Variants in MED23 observed in about 807,000 individuals in gnomAD.
The protein encoded by MED23 is mediator of RNA polymerase II transcription subunit 23.
Under a neutral mutation model 163.9 loss-of-function variants are expected in MED23, and 105 were observed. The ratio of observed to expected loss-of-function variants is 0.64; its 90% CI spans 0.55 to 0.75. The LOEUF is 0.75. Ranked by LOEUF, MED23 falls within the 30% of genes least tolerant of loss-of-function variation. MED23 has a pLI of 0.00. For missense variants in MED23, 1,054 were observed against 1,649.0 expected, an observed-to-expected ratio of 0.64 and a Z score of 6.25; for synonymous variants, 561 against 565.6, an observed-to-expected ratio of 0.99 and a Z score of 0.12.
intron 20 of MED23, among the ~76,000 whole-genome samples, chr6:131,597,542 G>C (rs990908115): frequency 1.5e-5 from 2 of 129,616 alleles, no homozygotes; most frequent in African/African-American, 5.9e-5. Context: ...GTCAGGAGAA[G>C]AAAAAAACAT....
rs182920993 is a variant in MED23 at position 131,609,150 on chromosome 6, G to A, written c.1077+896C>T. Among the ~76,000 whole-genome samples, 262 of 152,108 alleles carry A rather than the reference G, an allele frequency of 1.7e-3. 1 individual carries two copies. The highest frequency in any genetic ancestry group is 5.2e-3 in the African/African-American group (215 of 41,486). On this transcript the variant is annotated intron_variant, in intron 11 of 28. Coordinates refer to ENST00000368068, the MANE Select transcript of MED23 (RefSeq NM_004830.4). ...GCTTCTGGCTTTGTACCTGTCCATC[G>A]CTACACCACCTTCTTTCTCCATGTG...
At chr6:131,624,524 G>C (rs562082991) in intron 4 of MED23, among the ~76,000 whole-genome samples, 1 of 152,112 alleles carries the variant, frequency 6.6e-6, no homozygotes, top group Non-Finnish European at 1.5e-5. Context: ...CTCCTAAGCC[G>C]AGTCAACCAC....
intron 30 of MED23, among the ~76,000 whole-genome samples, chr6:131,576,245 C>T (rs1460095423): frequency 6.6e-6 from 1 of 152,212 alleles, no homozygotes; most frequent in East Asian, 1.9e-4. Flanking sequence ...GCCCATATCT[C>T]CTATCAGCTT....
chr6:131,591,452 A>G lies in MED23; in HGVS notation c.3547T>C (p.Trp1183Arg). The G allele has an allele frequency of 2.5e-6, 4 of 1,613,786 alleles. No homozygotes were observed. Among genetic ancestry groups the G allele is most frequent in the Non-Finnish European group, 3.4e-6 (4 of 1,179,824 alleles). The change falls in exon 26 of 29, where the codon TGG becomes CGG. Residue 1183 changes from tryptophan (W) to arginine (R), a missense_variant. Physicochemically the swap from Trp to Arg is moderately radical, Grantham distance 101 (BLOSUM62 -3). Coordinates refer to ENST00000368068, the MANE Select transcript of MED23 (RefSeq NM_004830.4). ...SSPSLTSETE[W>R]VGYPFRLFDF... ...AAGAGGCGGAATGGATAGCCAACCC[A>G]CTCTGTTTCAGACGTCAAGCTGGGG...
Position 131,603,163 on chromosome 6 carries a change from T to TC in MED23, c.1797dup (p.Ile600AspfsTer7). The TC allele has an allele frequency of 6.2e-7, 1 of 1,613,626 alleles. No homozygotes were observed. The highest frequency in any genetic ancestry group is 8.5e-7 in the Non-Finnish European group (1 of 1,179,814). ...AACATCTCAAGGAGTGTGTGTAAGA[T>TC]CCCCCATGCATGTGATTTGAAAACA... is the stretch of plus-strand genomic sequence containing the variant. On this transcript the variant is annotated frameshift_variant, in exon 16 of 29. Transcript: ENST00000368068. LOFTEE classifies it high-confidence loss of function.
chr6:131,616,128 G>A lies in MED23; in HGVS notation c.781-126C>T, dbSNP rs1185442991. The stretch of plus-strand genomic sequence containing the variant: ...CTTCACAGAGTAGGCAGTATCTAGT[G>A]GGAAAAAAATCATAGGATTTTAGTG... On this transcript the variant is annotated intron_variant, in intron 9 of 28. Transcript: ENST00000368068. 4 of 757,500 alleles carry A rather than the reference G, an allele frequency of 5.3e-6. No homozygotes were observed. The East Asian group carries it at 1.1e-4, about 21-fold the overall frequency. The allele number at this position is 757,500 out of a possible 1,614,324, so 46.9% of individuals were successfully genotyped here. A position where few individuals can be genotyped will look rare whatever the true frequency, so the allele number is the denominator to read the frequency against.
Position 131,628,148 on chromosome 6 carries a change from A to AGGTCTCC in MED23, c.-100_-99insGGAGACC, listed in dbSNP as rs566805663. 2,324 of 1,390,624 alleles carry AGGTCTCC rather than the reference A, an allele frequency of 1.7e-3. 5 individuals are homozygous for AGGTCTCC. Among genetic ancestry groups the AGGTCTCC allele is most frequent in the Non-Finnish European group, 2.0e-3 (2,004 of 984,052 alleles). 86.1% of individuals were successfully genotyped at this position (1,390,624 alleles called of 1,614,324 possible). A position where few individuals can be genotyped will look rare whatever the true frequency, so the allele number is the denominator to read the frequency against. On this transcript the variant is annotated 5_prime_UTR_variant, in exon 1 of 29. Transcript: ENST00000368068. ...GCAGAGGGGCGGAGACCTCTGGAGG[A>AGGTCTCC]AACCGTAGCTCCTCGGCGTCGCTTC...
downstream of MED23, among the ~76,000 whole-genome samples, chr6:131,582,163 G>T (rs1407187499): frequency 6.6e-6 from 1 of 152,174 alleles, no homozygotes; most frequent in Admixed American, 6.5e-5. Context: ...AACTTGCAAA[G>T]TATCTGCCTA....
intron 4 of MED23, among the ~76,000 whole-genome samples, 172 bp from the exon 5 acceptor site, chr6:131,623,634 C>T (rs1777275173): frequency 6.6e-6 from 1 of 152,164 alleles, no homozygotes; most frequent in African/African-American, 2.4e-5. Flanking sequence ...ACAGTTCCCC[C>T]AATACTGTTC....
Position 131,606,140 on chromosome 6 carries a change from C to G in MED23, c.1367+339G>C, listed in dbSNP as rs1426927418. Among the ~76,000 whole-genome samples the G allele has an allele frequency of 5.9e-5, 9 of 152,108 alleles. No individual in the cohort carries two copies. The South Asian group carries it at 8.3e-4, about 14-fold the overall frequency. ...ATCTCAGTCAGCTTATGCTGAAGTT[C>G]CAAGCACTTGGGAAATTCTGAAACA... On this transcript the variant is annotated intron_variant, in intron 13 of 28. Coordinates refer to ENST00000368068, the MANE Select transcript of MED23 (RefSeq NM_004830.4).
chr6:131,581,100 A>G, intron 30 of MED23: 1 of 964,830 alleles, frequency 1.0e-6, no homozygotes, highest in African/African-American at 1.9e-5. Context: ...TTCAGAACCT[A>G]TCAGAAATAT....
Position 131,624,936 on chromosome 6 carries a change from A to C in MED23, c.213T>G (p.His71Gln). The change falls in exon 4 of 29, where the codon CAT becomes CAG. Residue 71 changes from histidine (H) to glutamine (Q), a missense_variant. Around this residue, in one of 11 missense-constraint regions of MED23, gnomAD observed 227 missense variants for 235.5 expected, o/e 0.96. Coordinates refer to ENST00000368068, the MANE Select transcript of MED23 (RefSeq NM_004830.4). The part of the protein sequence containing the change: ...QWIVKFIHGQ[H>Q]SPKRISFLYD... ...AAAGAAAAGAAATTCTTTTAGGACT[A>C]TGCTGACCATGAATAAACTTAACAA... 6.2e-7 allele frequency: 1 copy of C among 1,613,782 alleles called. No homozygotes were observed.
At chr6:131,608,455 T>A (rs1776019095) in intron 11 of MED23, among the ~76,000 whole-genome samples, 1 of 152,090 alleles carries the variant, frequency 6.6e-6, no homozygotes, top group Non-Finnish European at 1.5e-5. Flanking sequence ...ACCTGGGGAA[T>A]ACTCTATCAC....
Position 131,587,509 on chromosome 6 carries a change from G to A in MED23, c.*170C>T. On this transcript the variant is annotated 3_prime_UTR_variant, in exon 29 of 29. Transcript: ENST00000368068. ...GAGACAAAAATATAGATAGGGAGAT[G>A]GGAGTTATAAGGTGTCAACAGATTC... 1.4e-6 allele frequency: 2 copies of A among 1,454,570 alleles called. No individual in the cohort carries two copies. Among genetic ancestry groups the A allele is most frequent in the Non-Finnish European group, 1.8e-6 (2 of 1,106,856 alleles). 90.1% of individuals were successfully genotyped at this position (1,454,570 alleles called of 1,614,324 possible).
intron 13 of MED23, among the ~76,000 whole-genome samples, chr6:131,605,986 C>G (rs1490443672): frequency 3.3e-5 from 5 of 152,102 alleles, no homozygotes; most frequent in Non-Finnish European, 7.4e-5. Flanking sequence ...ACTCCTAGCA[C>G]CCTTGACTAC....
rs1057008707 is a variant in MED23 at position 131,587,503 on chromosome 6, G to A, written c.*176C>T. 1.0e-5 allele frequency: 15 copies of A among 1,446,444 alleles called. No homozygotes were observed. Among genetic ancestry groups the A allele is most frequent in the Non-Finnish European group, 8.2e-6 (9 of 1,103,170 alleles). The allele number at this position is 1,446,444 out of a possible 1,614,324, so 89.6% of individuals were successfully genotyped here. ...CTCTTAGAGACAAAAATATAGATAG[G>A]GAGATGGGAGTTATAAGGTGTCAAC... On this transcript the variant is annotated 3_prime_UTR_variant, in exon 29 of 29. Coordinates refer to ENST00000368068, the MANE Select transcript of MED23 (RefSeq NM_004830.4).
At position 131,618,530 on chromosome 6, in the gene MED23, T is replaced by C; in HGVS notation, c.668-11A>G. 1.3e-6 allele frequency: 2 copies of C among 1,582,350 alleles called. No individual in the cohort carries two copies. Among genetic ancestry groups the C allele is most frequent in the Non-Finnish European group, 8.7e-7 (1 of 1,151,408 alleles). On this transcript the variant is annotated splice_polypyrimidine_tract_variant and intron_variant, in intron 8 of 28. Transcript: ENST00000368068. The stretch of plus-strand genomic sequence containing the variant: ...GAAGACTACAGCGACCTGTATGTAT[T>C]ACAAAAATGTTTTTAAGTAAATGTG...
intron 10 of MED23, among the ~76,000 whole-genome samples, chr6:131,613,006 A>G (rs1776392530): frequency 6.6e-6 from 1 of 152,164 alleles, no homozygotes; most frequent in Non-Finnish European, 1.5e-5. Flanking sequence ...AATAATATCT[A>G]TTCAGGAGAA....
chr6:131,616,975 G>A (rs1776737756), intron 9 of MED23, among the ~76,000 whole-genome samples: 1 of 151,926 alleles, frequency 6.6e-6, no homozygotes, highest in Non-Finnish European at 1.5e-5. Context: ...TCAAAAAACA[G>A]CTTTTTAGCT....
Sources: gnomAD v4.1 joint callset for allele counts (sites outside exome capture counted in the v4.1 genomes callset) on GRCh38, gnomAD v4.1.1 for gene constraint, gnomAD v4.1.1 regional missense constraint, MANE v1.5 for transcripts, NCBI Gene and HGNC (gene_info 2026-07-23, HGNC 2026-07-21) for gene names.